Variants in NEBL observed in about 807,000 individuals in gnomAD.
The protein encoded by NEBL is LIM and SH3 protein 2.
In NEBL, 122 loss-of-function variants were observed where a neutral mutation model predicts 140.2. The ratio of observed to expected loss-of-function variants is 0.87; its 90% confidence interval spans 0.75 to 1.01. The LOEUF is 1.01. NEBL is among the 50% of genes least tolerant of loss of function. NEBL has a pLI of 0.00. For missense variants in NEBL, 1,365 were observed against 1,231.3 expected (o/e 1.11, Z -1.62); for synonymous variants, 436 against 398.9 (o/e 1.09, Z -1.11).
intron 2 of NEBL, among the ~76,000 whole-genome samples, 165 bp downstream of exon 2, chr10:20,896,793 C>A (rs1349979145): frequency 6.6e-6 from 1 of 151,934 alleles, no homozygotes; most frequent in African/African-American, 2.4e-5. Flanking sequence ...GTATAGGTGA[C>A]CTTGGGGAAA....
rs1030711119 is a variant in NEBL, at chr10:20,783,144, G to A, written c.*2603C>T. 6.6e-6 allele frequency: 1 copy of A among 152,522 alleles called. No homozygotes were observed. 9.4% of individuals were successfully genotyped at this position (152,522 alleles called of 1,614,324 possible). ...CAAACCAAAGGTGGGAGGGAAGCAC[G>A]TGGAAAGTGGAAAAGTTGTTCAGGC... On this transcript the variant is annotated 3_prime_UTR_variant, in exon 28 of 28. Transcript: ENST00000377122.
intron 21 of NEBL, among the ~76,000 whole-genome samples, chr10:20,816,522 A>G (rs1170422420): frequency 6.6e-6 from 1 of 152,208 alleles, no homozygotes; most frequent in Admixed American, 6.5e-5. Context: ...CTCTAAATAT[A>G]TGGGGGAAAG....
intron 1 of NEBL, among the ~76,000 whole-genome samples, chr10:21,275,140 C>A (rs1474381712): frequency 6.6e-6 from 1 of 152,216 alleles, no homozygotes; most frequent in Non-Finnish European, 1.5e-5. Context: ...CCACCCCACC[C>A]TGCTCAACAG....
chr10:21,063,996 C>T (rs1281273422), intron 2 of NEBL, among the ~76,000 whole-genome samples: 1 of 151,892 alleles, frequency 6.6e-6, no homozygotes, highest in South Asian at 2.1e-4. Context: ...TGCTTGAGCC[C>T]GGGAGGCAGA....
At chr10:20,845,205 G>A (rs1841786140) in intron 12 of NEBL, 53 bp downstream of exon 12, 1 of 1,174,068 alleles carries the variant, frequency 8.5e-7, no homozygotes, top group African/African-American at 1.5e-5. Flanking sequence ...CATTTCCTGG[G>A]TTTTTTCTTT....
chr10:21,119,155 T>C (rs777087906), intron 2 of NEBL, among the ~76,000 whole-genome samples: 10 of 152,206 alleles, frequency 6.6e-5, no homozygotes, highest in Non-Finnish European at 1.3e-4. Context: ...CTTCTAGCTT[T>C]GCTTTATTCG....
intron 2 of NEBL, among the ~76,000 whole-genome samples, chr10:21,051,148 C>T (rs1211113371): frequency 6.6e-6 from 1 of 152,158 alleles, no homozygotes; most frequent in Non-Finnish European, 1.5e-5. Context: ...ACACATACAC[C>T]TCAACCTCAA....
chr10:21,013,623 A>T (rs1170089615), intron 3 of NEBL, among the ~76,000 whole-genome samples: 1 of 152,224 alleles, frequency 6.6e-6, no homozygotes, highest in East Asian at 1.9e-4. Context: ...CACGCCTGTA[A>T]TCCTACCACT....
At chr10:21,113,093 T>TAAGAAG (rs370124609) in intron 2 of NEBL, 1 of 225,194 alleles carries the variant, frequency 4.4e-6, no homozygotes, top group Non-Finnish European at 8.5e-6. Flanking sequence ...AGAATAAGAA[T>TAAGAAG]AAGAAGAAGG....
At chr10:21,287,530 C>T (rs1843073759) in intron 1 of NEBL, among the ~76,000 whole-genome samples, 1 of 151,688 alleles carries the variant, frequency 6.6e-6, no homozygotes, top group Admixed American at 6.6e-5. Flanking sequence ...AGTGAGACTC[C>T]GTGGAAAAGA....
intron 4 of NEBL, among the ~76,000 whole-genome samples, chr10:20,945,747 T>C (rs562933231): frequency 6.6e-6 from 1 of 152,290 alleles, no homozygotes; most frequent in East Asian, 1.9e-4. Context: ...GGACATTTGC[T>C]CTGTGGCACA....
intron 2 of NEBL, among the ~76,000 whole-genome samples, chr10:21,094,298 C>T (rs565958638): frequency 5.3e-5 from 8 of 152,078 alleles, no homozygotes; most frequent in Admixed American, 2.0e-4. Flanking sequence ...GTCAGGAGAT[C>T]GAGACCATCC....
At chr10:21,007,052 T>C (rs1330669650) in intron 3 of NEBL, among the ~76,000 whole-genome samples, 1 of 152,094 alleles carries the variant, frequency 6.6e-6, no homozygotes, top group Non-Finnish European at 1.5e-5. Flanking sequence ...TGGGGTTTCT[T>C]TCAAAGAAAG....
intron 3 of NEBL, among the ~76,000 whole-genome samples, chr10:21,004,077 A>G (rs375040586): frequency 6.6e-6 from 1 of 152,334 alleles, no homozygotes; most frequent in African/African-American, 2.4e-5. Flanking sequence ...ACGCATACAC[A>G]TAAGTACGTG....
At chr10:21,011,352 G>C (rs1248359160) in intron 3 of NEBL, among the ~76,000 whole-genome samples, 1 of 152,220 alleles carries the variant, frequency 6.6e-6, no homozygotes, top group Admixed American at 6.5e-5. Context: ...TTATGTGTTA[G>C]AGCTGCCCTG....
chr10:21,132,959 A>T (rs771261784), intron 2 of NEBL, among the ~76,000 whole-genome samples: 4 of 152,202 alleles, frequency 2.6e-5, no homozygotes, highest in Non-Finnish European at 5.9e-5. Context: ...AGTGTCCTTG[A>T]AGGACAGGTG....
chr10:21,183,212 G>A (rs1841412812), intron 3 of NEBL, among the ~76,000 whole-genome samples: 1 of 152,194 alleles, frequency 6.6e-6, no homozygotes, highest in African/African-American at 2.4e-5. Context: ...ATGAACGAGA[G>A]AGAAATAGCA....
At chr10:21,243,508 T>C (rs990592085) in intron 3 of NEBL, among the ~76,000 whole-genome samples, 1 of 151,996 alleles carries the variant, frequency 6.6e-6, no homozygotes, top group Non-Finnish European at 1.5e-5. Context: ...GGTTTTGCCA[T>C]GTTGGCCAGG....
intron 3 of NEBL, among the ~76,000 whole-genome samples, chr10:21,225,021 T>C (rs1842125173): frequency 6.6e-6 from 1 of 152,184 alleles, no homozygotes; most frequent in Non-Finnish European, 1.5e-5. Context: ...TTGCTCTAGC[T>C]AGGACTCTAG....
Sources: allele counts gnomAD v4.1 joint callset (sites outside exome capture counted in the v4.1 genomes callset), GRCh38; gene constraint gnomAD v4.1.1; transcripts MANE v1.5; gene names NCBI Gene and HGNC (gene_info 2026-07-23, HGNC 2026-07-21).